Variants in EXT1 observed in about 807,000 individuals in gnomAD.
The protein encoded by EXT1 is exostosin-1.
A neutral mutation model predicts 82.5 loss-of-function variants in EXT1; 20 were observed. The ratio of observed to expected loss-of-function variants is 0.24; its 90% confidence interval spans 0.17 to 0.35. EXT1 has a LOEUF of 0.35. EXT1 is among the 10% of genes least tolerant of loss of function. The pLI, the probability that EXT1 is intolerant of heterozygous loss-of-function variation, is 1.00. For synonymous variants in EXT1, 348 were observed against 350.8 expected (o/e 0.99, Z 0.09); for missense variants, 757 against 936.5 (o/e 0.81, Z 2.50).
At chr8:117,908,921 C>G (rs1250773897) in intron 1 of EXT1, among the ~76,000 whole-genome samples, 1 of 151,848 alleles carries the variant, frequency 6.6e-6, no homozygotes, top group African/African-American at 2.4e-5. Flanking sequence ...CCCAGGAGTT[C>G]AAAACCAGCC....
intron 1 of EXT1, among the ~76,000 whole-genome samples, chr8:118,016,612 G>T (rs887817015): frequency 6.6e-6 from 1 of 152,274 alleles, no homozygotes; most frequent in Middle Eastern, 3.4e-3. Context: ...GCAGCACCTG[G>T]AAGACTTTGT....
chr8:118,107,567 C>G (rs1817822398), intron 1 of EXT1, among the ~76,000 whole-genome samples: 1 of 152,172 alleles, frequency 6.6e-6, no homozygotes, highest in Non-Finnish European at 1.5e-5. Context: ...CTGCATCTCA[C>G]ATATCTAAGG....
At chr8:117,902,872 A>C (rs1813475444) in intron 1 of EXT1, among the ~76,000 whole-genome samples, 1 of 152,270 alleles carries the variant, frequency 6.6e-6, no homozygotes, top group Non-Finnish European at 1.5e-5. Context: ...TTGCAAATAC[A>C]TCCAACAATC....
At chr8:118,080,628 G>A (rs537512545) in intron 1 of EXT1, among the ~76,000 whole-genome samples, 1 of 152,222 alleles carries the variant, frequency 6.6e-6, no homozygotes, top group African/African-American at 2.4e-5. Flanking sequence ...TTCTCTGAAG[G>A]TAGTTCTTTT....
intron 1 of EXT1, among the ~76,000 whole-genome samples, chr8:117,944,013 C>T (rs1045219863): frequency 1.3e-5 from 2 of 152,206 alleles, no homozygotes; most frequent in Admixed American, 6.5e-5. Context: ...CTCAGAAACT[C>T]TCATTTCCGT....
Position 117,998,791 on chromosome 8 carries a change from TC to T in EXT1, c.962+111293del, listed in dbSNP as rs532320960. Among the ~76,000 whole-genome samples, 10 of 152,210 alleles carry T rather than the reference TC, an allele frequency of 6.6e-5. No individual in the cohort carries two copies. In the South Asian group the frequency reaches 2.1e-3, roughly 32 times the overall value. Reference sequence around the variant, plus strand: ...AAACCCCCAAATGAGTCAGAATGAGTCCATTTTGGTAAAACTGAAAGAGAAA... The same window carrying T: ...AAACCCCCAAATGAGTCAGAATGAGTCATTTTGGTAAAACTGAAAGAGAAA... On this transcript the variant is annotated intron_variant, in intron 1 of 10. Coordinates refer to ENST00000378204, the MANE Select transcript of EXT1 (RefSeq NM_000127.3).
Position 117,799,533 on chromosome 8 carries a change from A to T in EXT1, c.*179T>A. ...AGGTGAGTTTGGAGCAGTCTGGTGC[A>T]GTCCCAGGAGCCAGGAGTTGAGTTC... On this transcript the variant is annotated 3_prime_UTR_variant, in exon 11 of 11. Coordinates refer to ENST00000378204, the MANE Select transcript of EXT1 (RefSeq NM_000127.3). 1.5e-6 allele frequency: 1 copy of T among 663,388 alleles called. No homozygotes were observed. The highest frequency in any genetic ancestry group is 1.9e-5 in the South Asian group (1 of 52,714). The allele number at this position is 663,388 out of a possible 1,614,324, so 41.1% of individuals were successfully genotyped here.
At chr8:117,968,414 C>G (rs928982077) in intron 1 of EXT1, among the ~76,000 whole-genome samples, 2 of 152,076 alleles carry the variant, frequency 1.3e-5, no homozygotes, top group African/African-American at 4.8e-5. Context: ...GTCACCATGC[C>G]TGGCCAAAAT....
intron 8 of EXT1, among the ~76,000 whole-genome samples, chr8:117,808,205 A>ATAT (rs1823265457): frequency 6.6e-6 from 1 of 152,248 alleles, no homozygotes; most frequent in Non-Finnish European, 1.5e-5. Context: ...GGTAAATCAA[A>ATAT]ATAATAAACA....
intron 1 of EXT1, among the ~76,000 whole-genome samples, chr8:117,939,462 G>A (rs10283018): frequency 0.016 from 2,464 of 151,520 alleles, 77 homozygotes; most frequent in African/African-American, 0.056. Context: ...CCAGCCACTC[G>A]AGGGGCTGAA....
In EXT1 at chr8:117,831,061, T is replaced by C. The variant is rs867264480; in HGVS notation, c.1165-712A>G. Among the ~76,000 whole-genome samples the C allele has an allele frequency of 3.3e-5, 5 of 152,328 alleles. No homozygotes were observed. The South Asian group carries it at 1.0e-3, about 32-fold the overall frequency. On this transcript the variant is annotated intron_variant, in intron 3 of 10. Coordinates refer to ENST00000378204, the MANE Select transcript of EXT1 (RefSeq NM_000127.3). ...TCAGGTTAGCAGAGTGGATTTTATA[T>C]AGTAGTTATTAAGAAATAGGAGGTG... is the stretch of plus-strand genomic sequence containing the variant.
At chr8:117,853,970 T>C (rs1049453881) in intron 1 of EXT1, among the ~76,000 whole-genome samples, 4 of 152,228 alleles carry the variant, frequency 2.6e-5, no homozygotes, top group African/African-American at 9.6e-5. Flanking sequence ...TCTGCTGGGA[T>C]GGTACACTCA....
chr8:118,067,198 A>C (rs539828103), intron 1 of EXT1, among the ~76,000 whole-genome samples: 16 of 152,376 alleles, frequency 1.1e-4, no homozygotes, highest in Non-Finnish European at 1.8e-4. Context: ...GCATTTTTGA[A>C]TATTGTCATC....
At chr8:117,980,894 C>A (rs1054394090) in intron 1 of EXT1, among the ~76,000 whole-genome samples, 1 of 152,100 alleles carries the variant, frequency 6.6e-6, no homozygotes, top group African/African-American at 2.4e-5. Flanking sequence ...AGGGCACCCC[C>A]ATGCAGCGTG....
At chr8:118,007,066 G>A (rs990449588) in intron 1 of EXT1, among the ~76,000 whole-genome samples, 11 of 152,318 alleles carry the variant, frequency 7.2e-5, no homozygotes, top group Admixed American at 4.6e-4. Flanking sequence ...GGGAGGCCGA[G>A]ACAGGCGGAT....
chr8:117,862,386 G>A lies in EXT1; in HGVS notation c.963-25185C>T, dbSNP rs1368446751. On this transcript the variant is annotated intron_variant, in intron 1 of 10. Coordinates refer to ENST00000378204, the MANE Select transcript of EXT1 (RefSeq NM_000127.3). ...AGGCTGCACCTCATCTCTAAAAGAA[G>A]TATTTGATTATTTCCTTAACTTCTC... 1.4e-5 allele frequency among the ~76,000 whole-genome samples: 2 copies of A among 145,904 alleles called. 1 individual carries two copies. The highest frequency in any genetic ancestry group is 1.4e-4 in the Admixed American group (2 of 14,376).
At chr8:118,086,350 T>C (rs1817417132) in intron 1 of EXT1, among the ~76,000 whole-genome samples, 1 of 152,154 alleles carries the variant, frequency 6.6e-6, no homozygotes, top group Non-Finnish European at 1.5e-5. Flanking sequence ...ATCCTGAAAA[T>C]GCCTTCTAGT....
chr8:118,086,981 A>T (rs12681362), intron 1 of EXT1, among the ~76,000 whole-genome samples: 1 of 152,182 alleles, frequency 6.6e-6, no homozygotes, highest in Non-Finnish European at 1.5e-5. Context: ...TCACACAACC[A>T]CATAAAACTG....
At chr8:117,858,100 A>G (rs1812597098) in intron 1 of EXT1, among the ~76,000 whole-genome samples, 1 of 152,236 alleles carries the variant, frequency 6.6e-6, no homozygotes, top group Non-Finnish European at 1.5e-5. Flanking sequence ...ATGAGCAAAT[A>G]AAGTGGTTTC....
Sources: gnomAD v4.1 joint callset for allele counts (sites outside exome capture counted in the v4.1 genomes callset) on GRCh38, gnomAD v4.1.1 for gene constraint, MANE v1.5 for transcripts, NCBI Gene and HGNC (gene_info 2026-07-23, HGNC 2026-07-21) for gene names.